KPNA3: variants seen among roughly 807,000 people sequenced by gnomAD.
KPNA3 encodes the protein karyopherin subunit alpha 3.
KPNA3 carries 13 observed loss-of-function variants against 73.8 expected under a neutral mutation model. The ratio of observed to expected loss-of-function variants is 0.18; its 90% CI spans 0.11 to 0.28. The LOEUF is 0.28. Among genes scored for constraint, KPNA3 ranks in the 10% least tolerant of loss-of-function variants. The pLI is 1.00. For synonymous variants in KPNA3, 186 were observed against 206.9 expected (o/e 0.90, Z 0.87); for missense variants, 360 against 618.1 (o/e 0.58, Z 4.43).
Position 49,700,333 on chromosome 13 carries a change from T to TC in KPNA3, c.*1466dup, listed in dbSNP as rs1954135844. The TC allele has an allele frequency of 6.6e-6, 1 of 152,612 alleles. No individual in the cohort carries two copies. The highest frequency in any genetic ancestry group is 2.4e-5 in the African/African-American group (1 of 41,454). The allele number at this position is 152,612 out of a possible 1,614,324, so 9.5% of individuals were successfully genotyped here. ...TAACTAAATTAGTTTAGATTTTCTA[T>TC]CCCTTCACATCAATGCATTGGGAAA... On this transcript the variant is annotated 3_prime_UTR_variant, in exon 17 of 17. Transcript: ENST00000261667.
chr13:49,733,751 G>A (rs767628595), intron 2 of KPNA3, among the ~76,000 whole-genome samples: 2 of 152,320 alleles, frequency 1.3e-5, no homozygotes, highest in East Asian at 3.9e-4. Flanking sequence ...TTACACATCA[G>A]GGACAGGTTC....
At chr13:49,744,720 G>C (rs1954602080) in intron 2 of KPNA3, among the ~76,000 whole-genome samples, 1 of 152,038 alleles carries the variant, frequency 6.6e-6, no homozygotes, top group Non-Finnish European at 1.5e-5. Context: ...TGAATTTTTT[G>C]AAATTTAGTA....
At chr13:49,754,383 C>T (rs905032274) in intron 1 of KPNA3, among the ~76,000 whole-genome samples, 6 of 152,050 alleles carry the variant, frequency 3.9e-5, no homozygotes, top group African/African-American at 1.2e-4. Context: ...AATTGCATCA[C>T]ATCAGATGCT....
At chr13:49,709,837 G>A in intron 11 of KPNA3, 137 bp from the exon 12 acceptor site, 1 of 589,862 alleles carries the variant, frequency 1.7e-6, no homozygotes, top group Non-Finnish European at 2.6e-6. Flanking sequence ...GCACCAAGCA[G>A]TCTGAGAGCT....
chr13:49,748,138 A>G (rs1001569542), intron 1 of KPNA3, among the ~76,000 whole-genome samples: 1 of 152,204 alleles, frequency 6.6e-6, no homozygotes, highest in African/African-American at 2.4e-5. Flanking sequence ...ACTACCTTAC[A>G]TTCTTCCAAT....
chr13:49,745,859 C>G (rs1238940843), intron 2 of KPNA3, among the ~76,000 whole-genome samples: 6 of 149,656 alleles, frequency 4.0e-5, no homozygotes, highest in African/African-American at 1.5e-4. Flanking sequence ...GTCAGGAGAT[C>G]GAGACCATCC....
At chr13:49,781,895 G>A (rs563397075) in intron 1 of KPNA3, among the ~76,000 whole-genome samples, 1 of 152,178 alleles carries the variant, frequency 6.6e-6, no homozygotes, top group Non-Finnish European at 1.5e-5. Flanking sequence ...TTTATTGGTA[G>A]AATGTATAGA....
chr13:49,715,458 G>T (rs146196425), intron 10 of KPNA3, among the ~76,000 whole-genome samples: 2 of 152,204 alleles, frequency 1.3e-5, no homozygotes, highest in African/African-American at 4.8e-5. Flanking sequence ...CTGAGATACT[G>T]TTTCTCACCT....
chr13:49,735,026 T>C (rs1954509450), intron 2 of KPNA3, among the ~76,000 whole-genome samples: 1 of 151,938 alleles, frequency 6.6e-6, no homozygotes, highest in Non-Finnish European at 1.5e-5. Flanking sequence ...TCTTTGTAAA[T>C]TATTTCTTTT....
At chr13:49,743,990 G>A (rs887775758) in intron 2 of KPNA3, among the ~76,000 whole-genome samples, 8 of 152,074 alleles carry the variant, frequency 5.3e-5, no homozygotes, top group African/African-American at 1.4e-4. Context: ...AAAAAAGGAC[G>A]CACACTATTC....
At chr13:49,781,252 TA>T (rs1402581462) in intron 1 of KPNA3, among the ~76,000 whole-genome samples, 1 of 152,178 alleles carries the variant, frequency 6.6e-6, no homozygotes, top group Non-Finnish European at 1.5e-5. Flanking sequence ...TGCTTTCACA[TA>T]ATCTGCCTAC....
intron 15 of KPNA3, among the ~76,000 whole-genome samples, chr13:49,705,402 A>G (rs1954198800): frequency 6.6e-6 from 1 of 152,002 alleles, no homozygotes; most frequent in Non-Finnish European, 1.5e-5. Context: ...CTAGAAGGCT[A>G]TACAGTGACT....
At chr13:49,755,960 A>T (rs1034543803) in intron 1 of KPNA3, among the ~76,000 whole-genome samples, 2 of 152,162 alleles carry the variant, frequency 1.3e-5, no homozygotes, top group Non-Finnish European at 2.9e-5. Flanking sequence ...GAACACATAG[A>T]CACTGAAATT....
chr13:49,702,264 C>T, intron 16 of KPNA3, 122 bp downstream of exon 16: 1 of 628,178 alleles, frequency 1.6e-6, no homozygotes, highest in Non-Finnish European at 2.8e-6. Flanking sequence ...GATGGAATGT[C>T]TAATAGAAAT....
At chr13:49,704,577 AT>A (rs1954188826) in intron 15 of KPNA3, among the ~76,000 whole-genome samples, 1 of 152,048 alleles carries the variant, frequency 6.6e-6, no homozygotes, top group African/African-American at 2.4e-5. Flanking sequence ...TAGAATATTC[AT>A]ATAAAGTAGT....
At chr13:49,712,768 CAGAT>C (rs1214611612) in intron 10 of KPNA3, among the ~76,000 whole-genome samples, 1 of 131,018 alleles carries the variant, frequency 7.6e-6, no homozygotes, top group Non-Finnish European at 1.6e-5. Context: ...ACTGTCAAAA[CAGAT>C]AGTAAGAGAG....
Position 49,709,696 on chromosome 13 carries a change from G to C in KPNA3, c.908C>G (p.Ala303Gly). The change falls in exon 12 of 17, where the codon GCA becomes GGA. Residue 303 changes from alanine to glycine, a missense_variant. Ala to Gly is a moderately conservative substitution (Grantham distance 60). Around this residue, in one of 3 missense-constraint regions of KPNA3, gnomAD observed 287 missense variants for 549.1 expected, o/e 0.52. Transcript: ENST00000261667. ...TATGTTGCCAACTGCTCTGAGGGCTGCTGTCTAGGGTGGGGATAAAATGTT... is the reference window on the plus strand; with the variant it reads ...TATGTTGCCAACTGCTCTGAGGGCTCCTGTCTAGGGTGGGGATAAAATGTT... ...LSHQEVKVQTAALRAVGNIVT... is the reference protein window; with the variant it reads ...LSHQEVKVQTGALRAVGNIVT... 6.2e-7 allele frequency: 1 copy of C among 1,612,848 alleles called. No homozygotes were observed. The highest frequency in any genetic ancestry group is 8.5e-7 in the Non-Finnish European group (1 of 1,179,440).
At chr13:49,723,006 G>C (rs1252247441) in intron 7 of KPNA3, among the ~76,000 whole-genome samples, 1 of 151,304 alleles carries the variant, frequency 6.6e-6, no homozygotes, top group Non-Finnish European at 1.5e-5. Context: ...ACTCTTTACA[G>C]AATGTATACA....
Position 49,701,212 on chromosome 13 carries a change from T to TA in KPNA3, c.*587_*588insT, listed in dbSNP as rs1954143870. 10 of 148,708 alleles carry TA rather than the reference T, an allele frequency of 6.7e-5. No individual in the cohort carries two copies. The South Asian group carries it at 8.9e-4, about 13-fold the overall frequency. The allele number at this position is 148,708 out of a possible 1,614,324, so 9.2% of individuals were successfully genotyped here. ...TAGATGAAGTAGTTTTTTTTTTTTT[T>TA]TAAACTTATCTGTTTATTCAATAAC... is the stretch of plus-strand genomic sequence containing the variant. On this transcript the variant is annotated 3_prime_UTR_variant, in exon 17 of 17. Transcript: ENST00000261667.
Sources: allele counts gnomAD v4.1 joint callset (sites outside exome capture counted in the v4.1 genomes callset), GRCh38; gene constraint gnomAD v4.1.1; regional missense constraint gnomAD v4.1.1; transcripts MANE v1.5; gene names NCBI Gene and HGNC (gene_info 2026-07-23, HGNC 2026-07-21).